Variants in SET observed in about 807,000 individuals in gnomAD.
SET encodes SET nuclear proto-oncogene.
In SET, 4 loss-of-function variants were observed where a neutral mutation model predicts 39.0. The observed-to-expected ratio is 0.10, with a 90% CI of 0.05 to 0.23. The LOEUF is 0.23. Ranked by LOEUF, SET falls within the 10% of genes least tolerant of loss-of-function variation. SET has a pLI of 1.00. For synonymous variants in SET, 114 were observed against 115.9 expected (o/e 0.98, Z 0.11); for missense variants, 137 against 329.7 (o/e 0.42, Z 4.53).
Position 128,689,675 on chromosome 9 carries a change from GGGC to G in SET, c.73+21_73+23del. On this transcript the variant is annotated intron_variant, in intron 1 of 7. Transcript: ENST00000322030. Reference sequence around the variant, plus strand: ...CCTCAGGTGAGAGCAGCGAGCCCGGGGGCCGGCCCGCGCCGCCATCTTCGCCGC... The same window carrying G: ...CCTCAGGTGAGAGCAGCGAGCCCGGGCGGCCCGCGCCGCCATCTTCGCCGC... The G allele has an allele frequency of 2.1e-6, 2 of 940,536 alleles. No individual in the cohort carries two copies. Among genetic ancestry groups the G allele is most frequent in the South Asian group, 7.2e-5 (2 of 27,636 alleles). The allele number at this position is 940,536 out of a possible 1,614,324, so 58.3% of individuals were successfully genotyped here. A position where few individuals can be genotyped will look rare whatever the true frequency, so the allele number is the denominator to read the frequency against.
rs559070575 is a variant in SET at position 128,695,727 on chromosome 9, C to T, written c.*1063C>T. Reference sequence around the variant, plus strand: ...TATTAATATCTCCATAGCTGGGAAACGTGGGTTCAATTTGCCATTGGTTTC... The same window carrying T: ...TATTAATATCTCCATAGCTGGGAAATGTGGGTTCAATTTGCCATTGGTTTC... On this transcript the variant is annotated 3_prime_UTR_variant, in exon 8 of 8. Transcript: ENST00000322030. 68 of 227,062 alleles carry T rather than the reference C, an allele frequency of 3.0e-4. No homozygotes were observed. The South Asian group carries it at 4.4e-3, about 15-fold the overall frequency. 14.1% of individuals were successfully genotyped at this position (227,062 alleles called of 1,614,324 possible).
upstream of SET, chr9:128,684,954 G>A: frequency 7.9e-7 from 1 of 1,263,668 alleles, no homozygotes; most frequent in Non-Finnish European, 1.1e-6. Context: ...AGAGTTGACT[G>A]TTCTGGTGAC....
chr9:128,686,234 C>T (rs1861281590), upstream of SET, among the ~76,000 whole-genome samples: 1 of 152,092 alleles, frequency 6.6e-6, no homozygotes. Context: ...CTTTTGCTTT[C>T]TCTTTCTCTT....
Position 128,692,908 on chromosome 9 carries a change from C to G in SET, c.419C>G (p.Ser140Cys). The G allele has an allele frequency of 6.2e-7, 1 of 1,605,054 alleles. No homozygotes were observed. The highest frequency in any genetic ancestry group is 1.1e-5 in the South Asian group (1 of 90,484). Residue 140 changes from serine to cysteine, a missense_variant, in exon 5 of 8, where the codon TCC becomes TGC. Physicochemically the swap from Ser to Cys is moderately radical, Grantham distance 112 (BLOSUM62 -1). Transcript: ENST00000322030. Reference sequence around the variant, plus strand: ...CCTTACTTTGAAAATAAAGTTCTCTCCAAAGAATTTCATCTGAATGAGAGT... The same window carrying G: ...CCTTACTTTGAAAATAAAGTTCTCTGCAAAGAATTTCATCTGAATGAGAGT... ...ENPYFENKVL[S>C]KEFHLNESGD... is the part of the protein sequence containing the mutation.
upstream of SET, among the ~76,000 whole-genome samples, chr9:128,688,930 C>T (rs1225506170): frequency 6.6e-6 from 1 of 151,822 alleles, no homozygotes; most frequent in African/African-American, 2.4e-5. Flanking sequence ...CACCACGTGA[C>T]GCGCCGGCCG....
chr9:128,688,549 T>C (rs1461837932), upstream of SET, among the ~76,000 whole-genome samples: 1 of 152,194 alleles, frequency 6.6e-6, no homozygotes, highest in Non-Finnish European at 1.5e-5. Context: ...CCTCCCTGCC[T>C]TCACAGGACT....
chr9:128,689,597 G>A lies in SET; in HGVS notation c.15G>A (p.Ala5=). 3 of 1,377,368 alleles carry A rather than the reference G, an allele frequency of 2.2e-6. No homozygotes were observed. The highest frequency in any genetic ancestry group is 2.3e-5 in the Admixed American group (1 of 43,088). 85.3% of individuals were successfully genotyped at this position (1,377,368 alleles called of 1,614,324 possible). Residue 5 remains alanine, a synonymous_variant, in exon 1 of 8, where the codon GCG becomes GCA. Coordinates refer to ENST00000322030, the MANE Select transcript of SET (RefSeq NM_003011.4). MSAP[A]AKVSKKELNS... ...GGAGCAGCACCATGTCGGCGCCGGC[G>A]GCCAAAGTCAGTAAAAAGGAGCTCA...
At chr9:128,685,093 G>A, upstream of SET, 1 of 1,546,552 alleles carries the variant, frequency 6.5e-7, no homozygotes, top group Non-Finnish European at 8.7e-7. Flanking sequence ...AAGAAGCACT[G>A]AGGAGGAGTC....
chr9:128,692,397 CAAAAAAAAAA>C (rs58637669), intron 3 of SET: 8 of 76,244 alleles, frequency 1.0e-4, no homozygotes, highest in East Asian at 9.3e-4. Flanking sequence ...GAGACTGTTT[CAAAAAAAAAA>C]AAAAAAAAAA....
chr9:128,683,933 A>T, exon 1 of SET: 1 of 1,556,354 alleles, frequency 6.4e-7, no homozygotes. Flanking sequence ...CCGCCTCAAA[A>T]GAAGAAACCA....
upstream of SET, chr9:128,685,193 G>T: frequency 6.2e-7 from 1 of 1,600,794 alleles, no homozygotes. Context: ...CTCCTGCCCA[G>T]CTTGAAACCT....
chr9:128,691,050 T>A, intron 1 of SET, 120 bp from the exon 2 acceptor site: 1 of 791,576 alleles, frequency 1.3e-6, no homozygotes, highest in South Asian at 1.4e-5. Context: ...TGTGGAACGC[T>A]TGCCTTTGTA....
chr9:128,693,892 T>A lies in SET; in HGVS notation c.664-4T>A, dbSNP rs1183765585. The A allele has an allele frequency of 3.4e-5, 53 of 1,579,368 alleles. No individual in the cohort carries two copies. Among genetic ancestry groups the A allele is most frequent in the Non-Finnish European group, 4.3e-5 (50 of 1,160,430 alleles). On this transcript the variant is annotated splice_region_variant and splice_polypyrimidine_tract_variant and intron_variant, in intron 6 of 7. Coordinates refer to ENST00000322030, the MANE Select transcript of SET (RefSeq NM_003011.4). ...TCCTTATATTGTGCTTTTTTTTTTTTAAGGTTCCCGATATGGATGATGAAG... is the reference window on the plus strand; with the variant it reads ...TCCTTATATTGTGCTTTTTTTTTTTAAAGGTTCCCGATATGGATGATGAAG...
At chr9:128,690,860 T>G (rs1157571442) in intron 1 of SET, 1 of 363,922 alleles carries the variant, frequency 2.7e-6, no homozygotes, top group African/African-American at 2.1e-5. Flanking sequence ...ACGTGAAGAC[T>G]TCTGAATAAG....
In SET at chr9:128,689,948, C is replaced by T. The variant is rs747076583; in HGVS notation, c.73+293C>T. On this transcript the variant is annotated intron_variant, in intron 1 of 7. Transcript: ENST00000322030. ...CCCCCTCCCTCGCTCTCCTCCCCCT[C>T]CCTCCCTCCCGAGAAGCCTCTCTTT... The T allele has an allele frequency of 7.5e-5, 26 of 345,646 alleles. 1 individual carries two copies. The highest frequency in any genetic ancestry group is 2.9e-4 in the South Asian group (3 of 10,398). 21.4% of individuals were successfully genotyped at this position (345,646 alleles called of 1,614,324 possible).
At chr9:128,693,083 C>CA (rs1381200147) in intron 5 of SET, 102 bp downstream of exon 5, 1 of 759,684 alleles carries the variant, frequency 1.3e-6, no homozygotes, top group Non-Finnish European at 2.2e-6. Context: ...TGGCTAAATA[C>CA]AAAACCTTAA....
At chr9:128,692,277 C>G (rs531807785) in intron 3 of SET, 1 of 325,436 alleles carries the variant, frequency 3.1e-6, no homozygotes, top group Non-Finnish European at 5.6e-6. Flanking sequence ...GTAATCCCAG[C>G]TACTCGCTAC....
chr9:128,688,424 C>T (rs1861362517), upstream of SET, among the ~76,000 whole-genome samples: 1 of 152,146 alleles, frequency 6.6e-6, no homozygotes, highest in Non-Finnish European at 1.5e-5. Context: ...CACCGCCTAT[C>T]GCTTGGGGCT....
At chr9:128,684,435 C>T (rs868352244), upstream of SET, among the ~76,000 whole-genome samples, 8 of 152,252 alleles carry the variant, frequency 5.3e-5, no homozygotes, top group South Asian at 1.4e-3. Flanking sequence ...CAACTCTGGC[C>T]TGAATCTCTG....
Sources: gnomAD v4.1 joint callset for allele counts (sites outside exome capture counted in the v4.1 genomes callset) on GRCh38, gnomAD v4.1.1 for gene constraint, MANE v1.5 for transcripts, NCBI Gene and HGNC (gene_info 2026-07-23, HGNC 2026-07-21) for gene names.